The following NALF1 variants were observed in gnomAD, a reference collection of about 807,000 sequenced individuals.
NALF1 encodes family with sequence similarity 155 member A.
In NALF1, 3 loss-of-function variants were observed where a neutral mutation model predicts 48.4. The observed-to-expected ratio is 0.06, with a 90% CI of 0.03 to 0.16. NALF1 has a LOEUF of 0.16. NALF1 is among the 10% of genes least tolerant of loss of function. The pLI is 1.00. For synonymous variants in NALF1, 262 were observed against 245.7 expected (o/e 1.07, Z -0.62); for missense variants, 526 against 571.5 (o/e 0.92, Z 0.81).
chr13:107,474,536 G>A (rs907598471), intron 1 of NALF1, among the ~76,000 whole-genome samples: 1 of 152,158 alleles, frequency 6.6e-6, no homozygotes, highest in Non-Finnish European at 1.5e-5. Flanking sequence ...ATGTAATAAT[G>A]TCTTCAACAT....
At chr13:107,217,911 A>G (rs1879909179) in intron 1 of NALF1, among the ~76,000 whole-genome samples, 1 of 138,166 alleles carries the variant, frequency 7.2e-6, no homozygotes, top group Admixed American at 7.2e-5. Flanking sequence ...AATTAATTTG[A>G]TTATTCCAGA....
intron 1 of NALF1, among the ~76,000 whole-genome samples, chr13:107,592,922 T>C (rs1326083728): frequency 6.6e-6 from 1 of 151,900 alleles, no homozygotes; most frequent in African/African-American, 2.4e-5. Context: ...TCAAAAGTTT[T>C]CAATGTTTTA....
At chr13:107,342,812 CA>C (rs1380844367) in intron 1 of NALF1, among the ~76,000 whole-genome samples, 1 of 151,998 alleles carries the variant, frequency 6.6e-6, no homozygotes, top group Non-Finnish European at 1.5e-5. Context: ...GTCAATGACT[CA>C]AAAAGGAAAG....
chr13:107,349,721 C>T (rs1349779302), intron 1 of NALF1, among the ~76,000 whole-genome samples: 1 of 138,956 alleles, frequency 7.2e-6, no homozygotes, highest in East Asian at 2.1e-4. Flanking sequence ...AGCCTGGCGA[C>T]AGAGCGAGAA....
At chr13:107,360,638 G>A (rs997729877) in intron 1 of NALF1, among the ~76,000 whole-genome samples, 3 of 151,984 alleles carry the variant, frequency 2.0e-5, no homozygotes, top group East Asian at 1.9e-4. Flanking sequence ...GTAAATAACC[G>A]ACATTATATT....
intron 1 of NALF1, among the ~76,000 whole-genome samples, chr13:107,354,567 C>G (rs1038249706): frequency 4.6e-5 from 7 of 152,114 alleles, no homozygotes; most frequent in African/African-American, 1.7e-4. Flanking sequence ...AGGTCCGCCC[C>G]CGAACAATAG....
intron 1 of NALF1, among the ~76,000 whole-genome samples, chr13:107,679,625 G>GA (rs1284699610): frequency 6.6e-6 from 1 of 152,176 alleles, no homozygotes; most frequent in African/African-American, 2.4e-5. Context: ...CCCCCACGGG[G>GA]TCAGGGAGGT....
chr13:107,694,547 A>G (rs186006363), intron 1 of NALF1, among the ~76,000 whole-genome samples: 1 of 152,042 alleles, frequency 6.6e-6, no homozygotes, highest in Non-Finnish European at 1.5e-5. Flanking sequence ...AGAGACTGGG[A>G]CCCCACAAAA....
chr13:107,659,755 G>T (rs1311947133), intron 1 of NALF1, among the ~76,000 whole-genome samples: 1 of 151,746 alleles, frequency 6.6e-6, no homozygotes, highest in Non-Finnish European at 1.5e-5. Context: ...TAAACATTTG[G>T]CTATAAACCA....
At chr13:107,679,988 G>A (rs976622731) in intron 1 of NALF1, among the ~76,000 whole-genome samples, 1 of 151,998 alleles carries the variant, frequency 6.6e-6, no homozygotes, top group Non-Finnish European at 1.5e-5. Flanking sequence ...TCCCTCCCTC[G>A]ACATCCCCAG....
intron 2 of NALF1, among the ~76,000 whole-genome samples, chr13:107,198,642 G>A (rs557828352): frequency 1.9e-4 from 29 of 152,194 alleles, no homozygotes; most frequent in Non-Finnish European, 2.9e-4. Flanking sequence ...ATTGCTCAGC[G>A]TATTCCTCTG....
At chr13:107,612,939 G>A (rs1340100527) in intron 1 of NALF1, among the ~76,000 whole-genome samples, 5 of 151,432 alleles carry the variant, frequency 3.3e-5, no homozygotes, top group Non-Finnish European at 7.4e-5. Context: ...CATTTCTTTG[G>A]AGAACCCTGA....
intron 1 of NALF1, among the ~76,000 whole-genome samples, chr13:107,565,538 A>G (rs1362871705): frequency 6.6e-6 from 1 of 152,246 alleles, no homozygotes; most frequent in Non-Finnish European, 1.5e-5. Context: ...AAACACGAAG[A>G]TATTTTGAGA....
At chr13:107,831,392 G>T (rs2138627285) in intron 1 of NALF1, among the ~76,000 whole-genome samples, 1 of 152,136 alleles carries the variant, frequency 6.6e-6, no homozygotes, top group South Asian at 2.1e-4. Flanking sequence ...ATAACTTAAA[G>T]AAATAATATA....
intron 1 of NALF1, among the ~76,000 whole-genome samples, chr13:107,562,402 T>C (rs1276671756): frequency 2.6e-5 from 4 of 152,244 alleles, no homozygotes; most frequent in Admixed American, 1.3e-4. Context: ...TTCTGGAAGA[T>C]AGGAGATTGT....
At chr13:107,434,659 T>C (rs1472430313) in intron 1 of NALF1, among the ~76,000 whole-genome samples, 1 of 152,208 alleles carries the variant, frequency 6.6e-6, no homozygotes, top group Non-Finnish European at 1.5e-5. Flanking sequence ...AAACATGAAG[T>C]TGAAAATCAG....
At chr13:107,342,847 T>C (rs1309205009) in intron 1 of NALF1, among the ~76,000 whole-genome samples, 2 of 152,116 alleles carry the variant, frequency 1.3e-5, no homozygotes, top group Non-Finnish European at 2.9e-5. Context: ...GGAAAATACA[T>C]GTATCTAACA....
intron 1 of NALF1, among the ~76,000 whole-genome samples, chr13:107,365,583 T>G (rs2138959304): frequency 6.6e-6 from 1 of 152,306 alleles, no homozygotes; most frequent in East Asian, 1.9e-4. Context: ...TTGATGGTCC[T>G]TATCAAAACT....
At chr13:107,811,009 T>A (rs1278309051) in intron 1 of NALF1, among the ~76,000 whole-genome samples, 8 of 152,264 alleles carry the variant, frequency 5.3e-5, no homozygotes, top group African/African-American at 1.9e-4. Context: ...ATATTATGTA[T>A]CTAATATATC....
Sources: gnomAD v4.1 joint callset for allele counts (sites outside exome capture counted in the v4.1 genomes callset) on GRCh38, gnomAD v4.1.1 for gene constraint, MANE v1.5 for transcripts, NCBI Gene and HGNC (gene_info 2026-07-23, HGNC 2026-07-21) for gene names.